Variants in MEP1A observed in about 807,000 individuals in gnomAD.
MEP1A encodes meprin A subunit alpha.
A neutral mutation model predicts 84.5 loss-of-function variants in MEP1A; 68 were observed. The ratio of observed to expected loss-of-function variants is 0.80; its 90% CI spans 0.66 to 0.98. The LOEUF (loss-of-function observed/expected upper bound fraction) is 0.98, where lower values mean the gene tolerates loss of function less well. Ranked by LOEUF, MEP1A falls within the 50% of genes least tolerant of loss-of-function variation. The pLI, the probability that MEP1A is intolerant of heterozygous loss-of-function variation, is 0.00. For synonymous variants in MEP1A, 337 were observed against 336.8 expected (o/e 1.00, Z -0.01); for missense variants, 887 against 919.9 (o/e 0.96, Z 0.46).
chr6:46,793,729 T>C lies in MEP1A; in HGVS notation c.145+13T>C. ...GAAATCAATTTAGGTGAGTTCAATT[T>C]TTGTGTTATTAAAGTCTTGAAATTA... On this transcript the variant is annotated intron_variant, in intron 3 of 13. Coordinates refer to ENST00000230588, the MANE Select transcript of MEP1A (RefSeq NM_005588.3). 1 of 1,591,578 alleles carries C rather than the reference T, an allele frequency of 6.3e-7. No individual in the cohort carries two copies. Among genetic ancestry groups the C allele is most frequent in the Non-Finnish European group, 8.6e-7 (1 of 1,160,964 alleles).
chr6:46,816,462 G>C (rs1418645710), intron 6 of MEP1A, among the ~76,000 whole-genome samples: 1 of 152,014 alleles, frequency 6.6e-6, no homozygotes. Flanking sequence ...GGGCCACTGA[G>C]AAAGTGTGGG....
intron 6 of MEP1A, among the ~76,000 whole-genome samples, chr6:46,814,263 T>C (rs1767577590): frequency 6.6e-6 from 1 of 152,110 alleles, no homozygotes; most frequent in Non-Finnish European, 1.5e-5. Flanking sequence ...TTTGTTTGTT[T>C]TTGATGGATG....
At chr6:46,832,513 A>G (rs946922724) in intron 10 of MEP1A, among the ~76,000 whole-genome samples, 9 of 152,170 alleles carry the variant, frequency 5.9e-5, no homozygotes, top group African/African-American at 2.2e-4. Context: ...GCTCCCCTAC[A>G]TGGTGGACTT....
intron 6 of MEP1A, among the ~76,000 whole-genome samples, chr6:46,817,275 G>A (rs781455653): frequency 6.6e-6 from 1 of 152,198 alleles, no homozygotes; most frequent in Admixed American, 6.5e-5. Context: ...ATTTGCTGAG[G>A]CTGGGAATAT....
At position 46,826,428 on chromosome 6, in the gene MEP1A, G is replaced by C; in HGVS notation, c.853G>C (p.Asp285His). 6.2e-7 allele frequency: 1 copy of C among 1,609,674 alleles called. No individual in the cohort carries two copies. The highest frequency in any genetic ancestry group is 8.5e-7 in the Non-Finnish European group (1 of 1,177,922). Residue 285 changes from aspartate (D) to histidine (H), a missense_variant, in exon 9 of 14, where the codon GAT becomes CAT. Transcript: ENST00000230588. The part of the protein sequence containing the change: ...NICGMIQGTR[D>H]DTDWAHQDSA... ...CTGTGGAATGATTCAGGGCACCAGA[G>C]ATGACACTGACTGGGCCCATCAGGA...
intron 6 of MEP1A, among the ~76,000 whole-genome samples, chr6:46,813,306 G>A (rs767378833): frequency 3.3e-5 from 5 of 152,128 alleles, no homozygotes; most frequent in South Asian, 2.1e-4. Context: ...AAATCAAGAC[G>A]GAAATATAAA....
chr6:46,797,908 TTCCTTCCTTCCTTCCTTCCTTCTTTCC>T (rs1767097303), intron 3 of MEP1A, among the ~76,000 whole-genome samples: 1 of 57,804 alleles, frequency 1.7e-5, no homozygotes, highest in Non-Finnish European at 3.8e-5. Context: ...CCTTCCTTCC[TTCCTTCCTTCCTTCCTTCCTTCTTTCC>T]TTCCTTCCTT....
chr6:46,811,471 CTT>C (rs1767496317), intron 6 of MEP1A, among the ~76,000 whole-genome samples: 1 of 151,960 alleles, frequency 6.6e-6, no homozygotes, highest in Admixed American at 6.6e-5. Flanking sequence ...ATTTCTCTCT[CTT>C]GTCTGATTGC....
At chr6:46,798,669 A>G (rs1421873018) in intron 4 of MEP1A, 23 bp downstream of exon 4, 2 of 1,610,438 alleles carry the variant, frequency 1.2e-6, no homozygotes, top group Admixed American at 1.7e-5. Flanking sequence ...CAATGATGCA[A>G]TAAGTTTCTC....
Position 46,833,283 on chromosome 6 carries a change from GACAAGC to G in MEP1A, c.1355_1360del (p.Asp452_Leu454delinsVal), listed in dbSNP as rs1414746826. The G allele has an allele frequency of 1.9e-6, 3 of 1,614,084 alleles. No individual in the cohort carries two copies. The East Asian group carries it at 6.7e-5, about 36-fold the overall frequency. ...AGTCCTTGAGAACACCAGCAAAGGG[GACAAGC>G]TTCAGAGCCCTCGATTCTACAATTC... On this transcript the variant is annotated inframe_deletion, in exon 11 of 14. Coordinates refer to ENST00000230588, the MANE Select transcript of MEP1A (RefSeq NM_005588.3).
At chr6:46,825,072 CTATTTAAATATTTATAAATTA>C (rs1767902552) in intron 7 of MEP1A, among the ~76,000 whole-genome samples, 179 bp from the exon 8 acceptor site, 1 of 119,808 alleles carries the variant, frequency 8.3e-6, no homozygotes, top group Admixed American at 8.6e-5. Flanking sequence ...TTAAATAAAT[CTATTTAAATATTTATAAATTA>C]TGTATTTAAA....
downstream of MEP1A, among the ~76,000 whole-genome samples, chr6:46,843,384 T>C (rs1768365777): frequency 6.6e-6 from 1 of 152,226 alleles, no homozygotes. Context: ...TAGTCTAAGG[T>C]TCTACCCCAA....
rs943627335 is a variant in MEP1A, at chr6:46,812,393, T to A, written c.380+2856T>A. On this transcript the variant is annotated intron_variant, in intron 6 of 13. Coordinates refer to ENST00000230588, the MANE Select transcript of MEP1A (RefSeq NM_005588.3). Reference sequence around the variant, plus strand: ...CTTGGTTAATCTCACTAATAATCTATCAATTTTATTTATTTTTTCAAAGAA... The same window carrying A: ...CTTGGTTAATCTCACTAATAATCTAACAATTTTATTTATTTTTTCAAAGAA... Among the ~76,000 whole-genome samples, 5 of 152,076 alleles carry A rather than the reference T, an allele frequency of 3.3e-5. No individual in the cohort carries two copies. In the South Asian group the frequency reaches 1.0e-3, roughly 31 times the overall value.
intron 5 of MEP1A, among the ~76,000 whole-genome samples, chr6:46,806,183 C>T (rs935169997): frequency 6.6e-6 from 1 of 151,908 alleles, no homozygotes; most frequent in Non-Finnish European, 1.5e-5. Context: ...ATTTTAGTCA[C>T]CTTGGGGTCT....
chr6:46,833,472 C>G lies in MEP1A; in HGVS notation c.1543C>G (p.Pro515Ala). 2 of 1,614,118 alleles carry G rather than the reference C, an allele frequency of 1.2e-6. No homozygotes were observed. Among genetic ancestry groups the G allele is most frequent in the Non-Finnish European group, 1.7e-6 (2 of 1,180,018 alleles). The change falls in exon 11 of 14, where the codon CCT becomes GCT. Residue 515 changes from proline (P) to alanine (A), a missense_variant. Coordinates refer to ENST00000230588, the MANE Select transcript of MEP1A (RefSeq NM_005588.3). Reference protein sequence around the residue: ...QVIITILDQEPDVRNRMSSSM... With the variant: ...QVIITILDQEADVRNRMSSSM... The stretch of plus-strand genomic sequence containing the variant: ...GATAATTACCATCCTTGACCAGGAG[C>G]CTGATGTCCGGAACAGGATGTCCTC...
At chr6:46,807,770 G>GGAAAGAAAGAAAGAAAGGAAGAAA (rs1767382270) in intron 5 of MEP1A, among the ~76,000 whole-genome samples, 2 of 97,236 alleles carry the variant, frequency 2.1e-5, no homozygotes, top group African/African-American at 8.6e-5. Flanking sequence ...AAGGGAGAAA[G>GGAAAGAAAGAAAGAAAGGAAGAAA]GAAAGAAAGA....
downstream of MEP1A, among the ~76,000 whole-genome samples, chr6:46,844,073 T>A (rs192384273): frequency 6.6e-6 from 1 of 152,248 alleles, no homozygotes; most frequent in African/African-American, 2.4e-5. Context: ...TACTCAAATT[T>A]CTATATGCTT....
At chr6:46,837,608 C>T (rs927589635) in intron 13 of MEP1A, among the ~76,000 whole-genome samples, 4 of 152,202 alleles carry the variant, frequency 2.6e-5, no homozygotes, top group Non-Finnish European at 5.9e-5. Flanking sequence ...CAACAGGCTT[C>T]ATCCTTCCCA....
chr6:46,839,349 C>T lies in MEP1A; in HGVS notation c.*213C>T, dbSNP rs548849411. On this transcript the variant is annotated 3_prime_UTR_variant, in exon 14 of 14. Coordinates refer to ENST00000230588, the MANE Select transcript of MEP1A (RefSeq NM_005588.3). ...CTAATGTATCTAGTGTGTCCTGTGA[C>T]AACACTCATCACACTTCATTGTAAA... 3 of 412,800 alleles carry T rather than the reference C, an allele frequency of 7.3e-6. No homozygotes were observed. The allele number at this position is 412,800 out of a possible 1,614,324, so 25.6% of individuals were successfully genotyped here.
Sources: gnomAD v4.1 joint callset for allele counts (sites outside exome capture counted in the v4.1 genomes callset) on GRCh38, gnomAD v4.1.1 for gene constraint, MANE v1.5 for transcripts, NCBI Gene and HGNC (gene_info 2026-07-23, HGNC 2026-07-21) for gene names.